Variants in CNDP2 observed in about 807,000 individuals in gnomAD.
The protein encoded by CNDP2 is cytosolic non-specific dipeptidase.
A neutral mutation model predicts 55.0 loss-of-function variants in CNDP2; 38 were observed. The ratio of observed to expected loss-of-function variants is 0.69; its 90% CI spans 0.53 to 0.90. The LOEUF (loss-of-function observed/expected upper bound fraction) is 0.90, where lower values mean the gene tolerates loss of function less well. Among genes scored for constraint, CNDP2 ranks in the 40% least tolerant of loss-of-function variants. The probability of loss-of-function intolerance (pLI) is 0.00; values close to 1 mark genes in which losing one functional copy is unlikely to be tolerated. For synonymous variants in CNDP2, 241 were observed against 260.2 expected (o/e 0.93, Z 0.71); for missense variants, 607 against 621.7 (o/e 0.98, Z 0.25).
At chr18:74,509,843 G>T (rs1307836750) in intron 5 of CNDP2, among the ~76,000 whole-genome samples, 1 of 152,194 alleles carries the variant, frequency 6.6e-6, no homozygotes, top group Non-Finnish European at 1.5e-5. Flanking sequence ...TTGTATCATG[G>T]TGACATAAGA....
At chr18:74,497,873 A>G (rs1488584521) in intron 1 of CNDP2, 2 of 152,116 alleles carry the variant, frequency 1.3e-5, no homozygotes, top group Non-Finnish European at 2.9e-5. Flanking sequence ...TTTTGCTTAA[A>G]TCAGCATACT....
In CNDP2 at chr18:74,510,979, A is replaced by G; in HGVS notation, c.623A>G (p.Tyr208Cys). 2 of 1,614,202 alleles carry G rather than the reference A, an allele frequency of 1.2e-6. No individual in the cohort carries two copies. Among genetic ancestry groups the G allele is most frequent in the East Asian group, 2.2e-5 (1 of 44,888 alleles). Residue 208 changes from tyrosine (Y) to cysteine (C), a missense_variant, in exon 6 of 12, where the codon TAC becomes TGC. Transcript: ENST00000324262. ...GGAAAGAAGAAGCCCTGCATCACCTACGGCCTCAGGGGCATTTGCTACTTT... is the reference window on the plus strand; with the variant it reads ...GGAAAGAAGAAGCCCTGCATCACCTGCGGCCTCAGGGGCATTTGCTACTTT... The part of the protein sequence containing the change: ...WLGKKKPCIT[Y>C]GLRGICYFFI...
chr18:74,505,289 A>C (rs1237933246), intron 3 of CNDP2: 1 of 152,236 alleles, frequency 6.6e-6, no homozygotes, highest in African/African-American at 2.4e-5. Flanking sequence ...GTCAAAGAAA[A>C]ACCAGCCTTT....
At chr18:74,496,874 C>G (rs1599056127) in intron 1 of CNDP2, among the ~76,000 whole-genome samples, 2 of 152,142 alleles carry the variant, frequency 1.3e-5, no homozygotes. Context: ...ATCCCTTTCC[C>G]GGAGACCTGG....
At chr18:74,501,962 C>T (rs1390930989) in intron 3 of CNDP2, among the ~76,000 whole-genome samples, 3 of 152,064 alleles carry the variant, frequency 2.0e-5, no homozygotes, top group South Asian at 2.1e-4. Flanking sequence ...GGCGTGATCT[C>T]GGCCCACTGC....
At chr18:74,517,672 G>A (rs1979763290) in intron 9 of CNDP2, 1 of 151,920 alleles carries the variant, frequency 6.6e-6, no homozygotes, top group African/African-American at 2.4e-5. Context: ...TGGCAGGGTG[G>A]AGCCTGTGAA....
Position 74,506,004 on chromosome 18 carries a change from G to A in CNDP2, c.360G>A (p.Glu120=). 1 of 1,587,982 alleles carries A rather than the reference G, an allele frequency of 6.3e-7. No homozygotes were observed. The change falls in exon 4 of 12, where the codon GAG becomes GAA. Residue 120 remains glutamate, a synonymous_variant. Coordinates refer to ENST00000324262, the MANE Select transcript of CNDP2 (RefSeq NM_018235.3). Reference sequence around the variant, plus strand: ...ACAGCGAGCCCTTCACCCTGGTGGAGCGAGACGGTGAGCGCCGCGCGCCTA... The same window carrying A: ...ACAGCGAGCCCTTCACCCTGGTGGAACGAGACGGTGAGCGCCGCGCGCCTA... ...GWDSEPFTLV[E]RDGKLYGRGS...
In CNDP2 at chr18:74,499,887, C is replaced by G; in HGVS notation, c.-87C>G. On this transcript the variant is annotated 5_prime_UTR_variant, in exon 2 of 12. Transcript: ENST00000324262. The stretch of plus-strand genomic sequence containing the variant: ...AACACGTGCTTTCTGGGCAGGTCGC[C>G]CCTCAGTCTCCACTAGAGACAGGAC... 1 of 1,193,966 alleles carries G rather than the reference C, an allele frequency of 8.4e-7. No homozygotes were observed. Among genetic ancestry groups the G allele is most frequent in the East Asian group, 2.4e-5 (1 of 41,686 alleles). The allele number at this position is 1,193,966 out of a possible 1,614,324, so 74.0% of individuals were successfully genotyped here. A position where few individuals can be genotyped will look rare whatever the true frequency, so the allele number is the denominator to read the frequency against.
chr18:74,509,965 T>A (rs1979247714), intron 5 of CNDP2, among the ~76,000 whole-genome samples: 1 of 152,226 alleles, frequency 6.6e-6, no homozygotes, highest in Non-Finnish European at 1.5e-5. Context: ...CAGAACCACC[T>A]GGCCTGGTGC....
At chr18:74,510,679 T>TG in intron 5 of CNDP2, 134 bp from the exon 6 acceptor site, 1 of 751,348 alleles carries the variant, frequency 1.3e-6, no homozygotes, top group Non-Finnish European at 2.2e-6. Context: ...GAGGGGGTGA[T>TG]GACAGGTGCA....
chr18:74,503,165 G>A (rs1252044190), intron 3 of CNDP2, among the ~76,000 whole-genome samples: 3 of 148,052 alleles, frequency 2.0e-5, no homozygotes, highest in African/African-American at 5.0e-5. Flanking sequence ...TTACTTCGTT[G>A]ATCACTGACA....
At chr18:74,510,275 G>T (rs1015190108) in intron 5 of CNDP2, among the ~76,000 whole-genome samples, 2 of 152,244 alleles carry the variant, frequency 1.3e-5, no homozygotes, top group Non-Finnish European at 2.9e-5. Context: ...AGCCTGCCTG[G>T]CCTTTGGCAA....
At chr18:74,508,809 C>G in intron 4 of CNDP2, 31 bp from the exon 5 acceptor site, 2 of 1,583,588 alleles carry the variant, frequency 1.3e-6, no homozygotes, top group Non-Finnish European at 1.7e-6. Context: ...TTGTAATCAT[C>G]ACTTTATGAA....
intron 2 of CNDP2, 46 bp downstream of exon 2, chr18:74,500,079 C>G: frequency 2.0e-6 from 3 of 1,523,768 alleles, no homozygotes; most frequent in Non-Finnish European, 1.8e-6. Flanking sequence ...TGATTTAATC[C>G]CATGGGGCCC....
intron 1 of CNDP2, chr18:74,499,581 TAA>T (rs1449717850): frequency 5.1e-6 from 1 of 195,466 alleles, no homozygotes; most frequent in African/African-American, 2.3e-5. Context: ...CTTTGTGCTT[TAA>T]GAGTGTAAAA....
rs200521535 is a variant in CNDP2, at chr18:74,519,071, C to T, written c.1333C>T (p.His445Tyr). 9.2e-5 allele frequency: 148 copies of T among 1,610,780 alleles called. 1 individual carries two copies. The highest frequency in any genetic ancestry group is 1.0e-5 in the Non-Finnish European group (12 of 1,177,348). The stretch of plus-strand genomic sequence containing the variant: ...TGTGGGGTCAGCGGATGACGGAGCC[C>T]ACTCCCAGAATGAAAAGCTCAACAG... ...LPVGSADDGA[H>Y]SQNEKLNRYN... The change falls in exon 11 of 12, where the codon CAC (histidine) becomes TAC (tyrosine). Residue 445 changes from histidine (H) to tyrosine (Y), a missense_variant. By Grantham distance (83) the His-to-Tyr change is moderately conservative. Coordinates refer to ENST00000324262, the MANE Select transcript of CNDP2 (RefSeq NM_018235.3).
chr18:74,518,361 C>T lies in CNDP2; in HGVS notation c.1069-138C>T, dbSNP rs1979828496. On this transcript the variant is annotated intron_variant, in intron 9 of 11. Transcript: ENST00000324262. Reference sequence around the variant, plus strand: ...AAAATGAGACTCATCGTAGACTCAGCATAGACCCATCACAGACCTGTCAGA... The same window carrying T: ...AAAATGAGACTCATCGTAGACTCAGTATAGACCCATCACAGACCTGTCAGA... 3.6e-6 allele frequency: 3 copies of T among 826,954 alleles called. No individual in the cohort carries two copies. In the South Asian group the frequency reaches 4.8e-5, roughly 13 times the overall value. 51.2% of individuals were successfully genotyped at this position (826,954 alleles called of 1,614,324 possible). A position where few individuals can be genotyped will look rare whatever the true frequency, so the allele number is the denominator to read the frequency against.
intron 3 of CNDP2, among the ~76,000 whole-genome samples, chr18:74,502,241 A>G (rs564209752): frequency 8.7e-4 from 132 of 152,258 alleles, no homozygotes; most frequent in African/African-American, 3.1e-3. Context: ...ACAGGTGAGA[A>G]TGGTTTGTTT....
In CNDP2 at chr18:74,520,282, C is replaced by A. The variant is rs1159240983; in HGVS notation, c.*214C>A. 7.3e-6 allele frequency: 4 copies of A among 544,448 alleles called. No individual in the cohort carries two copies. The highest frequency in any genetic ancestry group is 1.3e-5 in the Non-Finnish European group (4 of 300,924). The allele number at this position is 544,448 out of a possible 1,614,324, so 33.7% of individuals were successfully genotyped here. A position where few individuals can be genotyped will look rare whatever the true frequency, so the allele number is the denominator to read the frequency against. On this transcript the variant is annotated 3_prime_UTR_variant, in exon 12 of 12. Coordinates refer to ENST00000324262, the MANE Select transcript of CNDP2 (RefSeq NM_018235.3). ...GACCTGGAGTGACAGCTGAGTCACC[C>A]TGGGTAAGTTCTCAGAGTGGTCAGG... is the stretch of plus-strand genomic sequence containing the variant.
Sources: gnomAD v4.1 joint callset for allele counts (sites outside exome capture counted in the v4.1 genomes callset) on GRCh38, gnomAD v4.1.1 for gene constraint, MANE v1.5 for transcripts, NCBI Gene and HGNC (gene_info 2026-07-23, HGNC 2026-07-21) for gene names.